The following MYBBP1A variants were observed in gnomAD, a reference collection of about 807,000 sequenced individuals.
The protein encoded by MYBBP1A is MYB binding protein 1a, also known as myb-binding protein 1A.
MYBBP1A carries 147 observed loss-of-function variants against 136.3 expected under a neutral mutation model. That is an observed-to-expected ratio of 1.08 (90% CI 0.94 to 1.24). MYBBP1A has a LOEUF of 1.24. MYBBP1A is among the 50% of genes most tolerant of loss of function. The pLI is 0.00. For synonymous variants in MYBBP1A, 947 were observed against 735.8 expected (o/e 1.29, Z -4.65); for missense variants, 2,060 against 1,727.4 (o/e 1.19, Z -3.41).
At position 4,542,920 on chromosome 17, in the gene MYBBP1A, C is replaced by T. The variant is rs770856453; in HGVS notation, c.2885G>A (p.Gly962Asp). 1 of 1,613,952 alleles carries T rather than the reference C, an allele frequency of 6.2e-7. No individual in the cohort carries two copies. Among genetic ancestry groups the T allele is most frequent in the Admixed American group, 1.7e-5 (1 of 60,028 alleles). ...GGGCCAGGCCCTGCTCACCTGCGGG[C>T]CCGTGGGCATGTGGCTGGGGTCAGT... ...AGTDPSHMPT[G>D]PQAASCLDLN... is the part of the protein sequence containing the mutation. The change falls in exon 20 of 26, where the codon GGC becomes GAC. Residue 962 changes from glycine (G) to aspartate (D), a missense_variant. Transcript: ENST00000254718.
Position 4,539,430 on chromosome 17 carries a change from C to A in MYBBP1A, c.3972G>T (p.Lys1324Asn), listed in dbSNP as rs774047770. ...GTACCTGTGCTCAGGGCTTCCCTGCCTTCCTCACCTGTGCTTTCTTCTTGG... is the reference window on the plus strand; with the variant it reads ...GTACCTGTGCTCAGGGCTTCCCTGCATTCCTCACCTGTGCTTTCTTCTTGG... ...SGAKKKAQVR[K>N]AGKP The change falls in exon 26 of 26, where the codon AAG becomes AAT. Residue 1324 changes from lysine (K) to asparagine (N), a missense_variant. By Grantham distance (94) the Lys-to-Asn change is moderately conservative. Transcript: ENST00000254718. 1 of 1,611,536 alleles carries A rather than the reference C, an allele frequency of 6.2e-7. No individual in the cohort carries two copies. Among genetic ancestry groups the A allele is most frequent in the South Asian group, 1.1e-5 (1 of 90,992 alleles).
Position 4,555,170 on chromosome 17 carries a change from G to A in MYBBP1A, c.155C>T (p.Ala52Val), listed in dbSNP as rs867562447. The change falls in exon 1 of 26, where the codon GCG becomes GTG. Residue 52 changes from alanine (A) to valine (V), a missense_variant. Physicochemically the swap from Ala to Val is moderately conservative, Grantham distance 64. Transcript: ENST00000254718. ...IAKPEQETRL[A>V]ATEKLLEYLR... ...ATACTCCAGCAGCTTCTCCGTGGCCGCAAGTCGCGTCTCCTGCTCAGGCTT... is the reference window on the plus strand; with the variant it reads ...ATACTCCAGCAGCTTCTCCGTGGCCACAAGTCGCGTCTCCTGCTCAGGCTT... The A allele has an allele frequency of 2.5e-6, 4 of 1,602,660 alleles. No homozygotes were observed. Among genetic ancestry groups the A allele is most frequent in the Non-Finnish European group, 1.7e-6 (2 of 1,174,788 alleles).
chr17:4,541,901 G>T lies in MYBBP1A; in HGVS notation c.3088-10C>A, dbSNP rs1426953815. Reference sequence around the variant, plus strand: ...GGAGCAGCAGGCAGGCCTGTGGGTGGGCAAAGGTGGGTGGCAGGAGCCTTG... The same window carrying T: ...GGAGCAGCAGGCAGGCCTGTGGGTGTGCAAAGGTGGGTGGCAGGAGCCTTG... On this transcript the variant is annotated splice_polypyrimidine_tract_variant and intron_variant, in intron 22 of 25. Coordinates refer to ENST00000254718, the MANE Select transcript of MYBBP1A (RefSeq NM_014520.4). 1 of 1,609,970 alleles carries T rather than the reference G, an allele frequency of 6.2e-7. No homozygotes were observed. The highest frequency in any genetic ancestry group is 8.5e-7 in the Non-Finnish European group (1 of 1,177,566).
intron 22 of MYBBP1A, 68 bp from the exon 23 acceptor site, chr17:4,541,959 G>A: frequency 7.6e-7 from 1 of 1,307,198 alleles, no homozygotes; most frequent in Non-Finnish European, 1.1e-6. Context: ...AGGGATGCAT[G>A]AGGGCTCGGG....
intron 5 of MYBBP1A, 94 bp downstream of exon 5, chr17:4,553,716 T>C: frequency 1.1e-6 from 1 of 898,136 alleles, no homozygotes; most frequent in Non-Finnish European, 1.7e-6. Flanking sequence ...TTTGTATTTC[T>C]ATGGAACAGT....
At chr17:4,544,719 C>CGGGGGT (rs1567606924) in intron 18 of MYBBP1A, 32 bp downstream of exon 18, 1 of 274,836 alleles carries the variant, frequency 3.6e-6, no homozygotes, top group Non-Finnish European at 6.2e-6. Flanking sequence ...CACAGGGAGG[C>CGGGGGT]GGGGGTGGGT....
In MYBBP1A at chr17:4,544,977, G is replaced by A. The variant is rs1463662853; in HGVS notation, c.2310+49C>T. 2.6e-6 allele frequency: 4 copies of A among 1,537,708 alleles called. No individual in the cohort carries two copies. In the South Asian group the frequency reaches 3.7e-5, roughly 14 times the overall value. On this transcript the variant is annotated intron_variant, in intron 17 of 25. Transcript: ENST00000254718. The stretch of plus-strand genomic sequence containing the variant: ...GCCTCGGGCAGGCACACAACATGGG[G>A]ACACCCGAGCCCTCCCCGGCCGCCC...
chr17:4,549,005 A>T (rs1431798479), intron 10 of MYBBP1A, among the ~76,000 whole-genome samples: 1 of 152,254 alleles, frequency 6.6e-6, no homozygotes. Context: ...GTGCATGTTG[A>T]GGGTGACGTG....
In MYBBP1A at chr17:4,548,065, G is replaced by A. The variant is rs748003545; in HGVS notation, c.1725-8C>T. The A allele has an allele frequency of 8.8e-6, 14 of 1,585,730 alleles. No individual in the cohort carries two copies. Among genetic ancestry groups the A allele is most frequent in the Non-Finnish European group, 1.1e-5 (13 of 1,167,482 alleles). On this transcript the variant is annotated splice_polypyrimidine_tract_variant and splice_region_variant and intron_variant, in intron 12 of 25. Transcript: ENST00000254718. The surrounding 1 kb of genome is among the most constrained non-coding windows in gnomAD (Gnocchi z 4.2). ...TTCAGAGTCTGCAGCATCCTGCGGG[G>A]AGACAGGCGATTCCCAGGCCCCTGC...
At position 4,555,185 on chromosome 17, in the gene MYBBP1A, T is replaced by G; in HGVS notation, c.140A>C (p.Gln47Pro). 1 of 1,607,910 alleles carries G rather than the reference T, an allele frequency of 6.2e-7. No individual in the cohort carries two copies. Among genetic ancestry groups the G allele is most frequent in the Non-Finnish European group, 8.5e-7 (1 of 1,177,448 alleles). Residue 47 changes from glutamine (Q) to proline (P), a missense_variant, in exon 1 of 26, where the codon CAG (glutamine) becomes CCG (proline). Coordinates refer to ENST00000254718, the MANE Select transcript of MYBBP1A (RefSeq NM_014520.4). ...CTCCGTGGCCGCAAGTCGCGTCTCC[T>G]GCTCAGGCTTCGCAATGTCCCAGAA... ...DFFWDIAKPE[Q>P]ETRLAATEKL...
chr17:4,548,728 G>T lies in MYBBP1A; in HGVS notation c.1431-79C>A, dbSNP rs1041417775. 3 of 1,580,198 alleles carry T rather than the reference G, an allele frequency of 1.9e-6. No individual in the cohort carries two copies. In the East Asian group the frequency reaches 6.7e-5, roughly 35 times the overall value. On this transcript the variant is annotated intron_variant, in intron 10 of 25. Coordinates refer to ENST00000254718, the MANE Select transcript of MYBBP1A (RefSeq NM_014520.4). The surrounding 1 kb of genome is among the most constrained non-coding windows in gnomAD (Gnocchi z 4.2). ...GCTCCCCTCCTTGGATGGTACCACC[G>T]AGGGTACAAGGCCAGGAGGAGGAGG...
Position 4,543,144 on chromosome 17 carries a change from C to T in MYBBP1A, c.2661G>A (p.Arg887=), listed in dbSNP as rs772572088. The change falls in exon 20 of 26, where the codon CGG becomes CGA. Residue 887 remains arginine, a synonymous_variant. Coordinates refer to ENST00000254718, the MANE Select transcript of MYBBP1A (RefSeq NM_014520.4). ...GCTCACCCAAGTCGTGGCAGTAGCG[C>T]CGGGCACGGCACAGGTGGTGCCTGT... ...RIFTHHLCRA[R]RYCHDLGERA... is the part of the protein sequence containing the mutation. 1 of 1,609,016 alleles carries T rather than the reference C, an allele frequency of 6.2e-7. No individual in the cohort carries two copies.
At chr17:4,547,616 G>A (rs2144473245) in intron 13 of MYBBP1A, 1 of 255,772 alleles carries the variant, frequency 3.9e-6, no homozygotes, top group East Asian at 7.6e-5. Context: ...AACCGAGCGG[G>A]AGAGCCCGTT....
chr17:4,538,984 A>G lies in MYBBP1A; in HGVS notation c.*431T>C, dbSNP rs375740223. The stretch of plus-strand genomic sequence containing the variant: ...ATTGTGAATCTCAGAGTCTTAAGAG[A>G]GAAGCCAAATATATTCCTCTTGTAA... On this transcript the variant is annotated 3_prime_UTR_variant, in exon 26 of 26. Coordinates refer to ENST00000254718, the MANE Select transcript of MYBBP1A (RefSeq NM_014520.4). 6.2e-6 allele frequency: 5 copies of G among 800,588 alleles called. No homozygotes were observed. Among genetic ancestry groups the G allele is most frequent in the Non-Finnish European group, 1.1e-5 (5 of 436,160 alleles). 49.6% of individuals were successfully genotyped at this position (800,588 alleles called of 1,614,324 possible).
Position 4,542,705 on chromosome 17 carries a change from C to G in MYBBP1A, c.2929G>C (p.Val977Leu). 6.2e-7 allele frequency: 1 copy of G among 1,614,030 alleles called. No individual in the cohort carries two copies. ...SCLDLNLVTR[V>L]YSTALSSFLT... ...AAGGAGCTCAGTGCTGTCGAGTACA[C>G]CCGGGTCACCAGGTTCAAGTCCAAG... The change falls in exon 21 of 26, where the codon GTG becomes CTG. Residue 977 changes from valine to leucine, a missense_variant. Physicochemically the swap from Val to Leu is conservative, Grantham distance 32. Transcript: ENST00000254718.
chr17:4,555,045 C>T (rs1264659108), intron 1 of MYBBP1A, 82 bp downstream of exon 1: 71 of 1,581,944 alleles, frequency 4.5e-5, no homozygotes, highest in Middle Eastern at 1.7e-4. Context: ...CGACCACGTG[C>T]CCCCAGTCTC....
chr17:4,553,207 G>A (rs1907692596), intron 5 of MYBBP1A, among the ~76,000 whole-genome samples: 1 of 152,160 alleles, frequency 6.6e-6, no homozygotes, highest in African/African-American at 2.4e-5. Flanking sequence ...TGGAGAGCTG[G>A]GATTCGAATT....
chr17:4,548,868 A>G lies in MYBBP1A; in HGVS notation c.1431-219T>C, dbSNP rs1469832985. Reference sequence around the variant, plus strand: ...TTCTCTGCTCTGGATCCCCAGCTGAACGCGGGTTAACCCGAGCTAGAGAGA... The same window carrying G: ...TTCTCTGCTCTGGATCCCCAGCTGAGCGCGGGTTAACCCGAGCTAGAGAGA... On this transcript the variant is annotated intron_variant, in intron 10 of 25. Transcript: ENST00000254718. The surrounding 1 kb of genome is among the most constrained non-coding windows in gnomAD (Gnocchi z 4.2). Among the ~76,000 whole-genome samples, 1 of 152,206 alleles carries G rather than the reference A, an allele frequency of 6.6e-6. No individual in the cohort carries two copies. Among genetic ancestry groups the G allele is most frequent in the Non-Finnish European group, 1.5e-5 (1 of 68,032 alleles).
At position 4,547,995 on chromosome 17, in the gene MYBBP1A, T is replaced by C; in HGVS notation, c.1787A>G (p.Gln596Arg). The C allele has an allele frequency of 6.5e-7, 1 of 1,534,376 alleles. No homozygotes were observed. Among genetic ancestry groups the C allele is most frequent in the Non-Finnish European group, 8.8e-7 (1 of 1,137,936 alleles). ...HSAEARAAAF[Q>R]HLLLLVGIHL... Reference sequence around the variant, plus strand: ...GATGCCCACGAGGAGCAGAAGGTGCTGGAAGGCAGCAGCCCTGGCCTCTGC... The same window carrying C: ...GATGCCCACGAGGAGCAGAAGGTGCCGGAAGGCAGCAGCCCTGGCCTCTGC... The change falls in exon 13 of 26, where the codon CAG becomes CGG. Residue 596 changes from glutamine to arginine, a missense_variant. Transcript: ENST00000254718.
Sources: gnomAD v4.1 joint callset for allele counts (sites outside exome capture counted in the v4.1 genomes callset) on GRCh38, gnomAD v4.1.1 for gene constraint, Gnocchi (gnomAD v3.1) non-coding constraint, MANE v1.5 for transcripts, NCBI Gene and HGNC (gene_info 2026-07-23, HGNC 2026-07-21) for gene names.